SLTM: variants seen among roughly 807,000 people sequenced by gnomAD.
SLTM encodes SAFB-like transcription modulator.
Under a neutral mutation model 134.6 loss-of-function variants are expected in SLTM, and 43 were observed. That is an observed-to-expected ratio of 0.32 (90% CI 0.25 to 0.41). The LOEUF is 0.41. Ranked by LOEUF, SLTM falls within the 10% of genes least tolerant of loss-of-function variation. The pLI is 1.00. For missense variants in SLTM, 1,055 were observed against 1,288.8 expected (o/e 0.82, Z 2.78); for synonymous variants, 424 against 432.3 (o/e 0.98, Z 0.24).
intron 12 of SLTM, among the ~76,000 whole-genome samples, 171 bp downstream of exon 12, chr15:58,893,650 T>C (rs1048957242): frequency 5.3e-5 from 8 of 152,138 alleles, no homozygotes; most frequent in Admixed American, 1.3e-4. Flanking sequence ...CATTTGTTTG[T>C]TTCCCCAGAG....
At chr15:58,894,220 T>C (rs760644298) in intron 10 of SLTM, 27 bp from the exon 11 acceptor site, 109 of 1,540,898 alleles carry the variant, frequency 7.1e-5, no homozygotes, top group Non-Finnish European at 9.4e-5. Flanking sequence ...AGAAAAACAA[T>C]TTGTACATAT....
chr15:58,904,415 A>T (rs1208700097), intron 5 of SLTM, among the ~76,000 whole-genome samples: 2 of 152,248 alleles, frequency 1.3e-5, no homozygotes, highest in Non-Finnish European at 2.9e-5. Context: ...AAGTAACATG[A>T]AGGAAACTAA....
intron 5 of SLTM, among the ~76,000 whole-genome samples, chr15:58,904,649 G>T (rs143154943): frequency 6.6e-6 from 1 of 151,392 alleles, no homozygotes; most frequent in African/African-American, 2.4e-5. Flanking sequence ...CGGGTTCCAG[G>T]GATTCTCATG....
intron 5 of SLTM, among the ~76,000 whole-genome samples, chr15:58,907,985 C>T (rs1471623062): frequency 7.2e-6 from 1 of 139,332 alleles, no homozygotes; most frequent in Non-Finnish European, 1.6e-5. Context: ...TAGATATATC[C>T]CTATATAAAC....
chr15:58,895,235 GAA>G (rs1452829529), intron 9 of SLTM, among the ~76,000 whole-genome samples: 7 of 152,040 alleles, frequency 4.6e-5, no homozygotes, highest in Non-Finnish European at 1.0e-4. Context: ...TGTCTTTAGA[GAA>G]AGTTTCTAGT....
rs202161800 is a variant in SLTM, at chr15:58,886,141, A to G, written c.2835+834T>C. On this transcript the variant is annotated intron_variant, in intron 19 of 20. Transcript: ENST00000380516. ...ATTACACTCATCTACCTTTAGGATA[A>G]GAAGACAAAAAATAGACAAAAGTTC... is the stretch of plus-strand genomic sequence containing the variant. 1.6e-4 allele frequency among the ~76,000 whole-genome samples: 24 copies of G among 152,264 alleles called. No homozygotes were observed. In the East Asian group the frequency reaches 4.4e-3, roughly 28 times the overall value.
chr15:58,898,966 A>T (rs145540822), intron 7 of SLTM, 114 bp from the exon 8 acceptor site: 1 of 711,774 alleles, frequency 1.4e-6, no homozygotes, highest in East Asian at 2.8e-5. Flanking sequence ...CAAATTAACA[A>T]TTCCAAAGGC....
chr15:58,911,750 T>G (rs1297345207), intron 5 of SLTM, among the ~76,000 whole-genome samples: 1 of 152,210 alleles, frequency 6.6e-6, no homozygotes, highest in East Asian at 1.9e-4. Flanking sequence ...GTGTATCACA[T>G]ATAGCAGCAA....
At chr15:58,903,378 T>C (rs79533363) in intron 5 of SLTM, among the ~76,000 whole-genome samples, 3,386 of 152,238 alleles carry the variant, frequency 0.022, 121 homozygotes, top group African/African-American at 0.078. Flanking sequence ...GTACGCTGTT[T>C]AAAGTCAGGT....
intron 5 of SLTM, among the ~76,000 whole-genome samples, chr15:58,906,379 T>C (rs562751622): frequency 1.3e-5 from 2 of 152,334 alleles, no homozygotes; most frequent in South Asian, 2.1e-4. Context: ...AGTACTCATG[T>C]TGTTTATCTT....
chr15:58,888,736 A>C (rs1332782415), intron 16 of SLTM, 181 bp from the exon 17 acceptor site: 2 of 483,584 alleles, frequency 4.1e-6, no homozygotes, highest in African/African-American at 4.0e-5. Context: ...CATAAAGTCA[A>C]ATAGTGTGAG....
chr15:58,893,634 A>C (rs1460506068), intron 12 of SLTM, among the ~76,000 whole-genome samples, 187 bp downstream of exon 12: 1 of 152,196 alleles, frequency 6.6e-6, no homozygotes, highest in Non-Finnish European at 1.5e-5. Context: ...CTTAGCTGGA[A>C]GAATACATTT....
intron 2 of SLTM, 113 bp from the exon 3 acceptor site, chr15:58,917,112 C>A: frequency 1.1e-6 from 1 of 932,412 alleles, no homozygotes; most frequent in Non-Finnish European, 1.7e-6. Context: ...TCTGACAAAG[C>A]TAATGTCAAC....
chr15:58,921,232 C>A (rs2037022537), intron 2 of SLTM, among the ~76,000 whole-genome samples: 1 of 152,106 alleles, frequency 6.6e-6, no homozygotes, highest in Admixed American at 6.6e-5. Flanking sequence ...AACAATTATG[C>A]CCCTTTTACA....
At chr15:58,915,343 G>A (rs1234354895) in intron 3 of SLTM, among the ~76,000 whole-genome samples, 26 of 152,144 alleles carry the variant, frequency 1.7e-4, no homozygotes, top group Admixed American at 6.5e-5. Context: ...CTCAATAGAC[G>A]TATATATCTC....
At chr15:58,905,961 A>T (rs2035840871) in intron 5 of SLTM, among the ~76,000 whole-genome samples, 1 of 152,212 alleles carries the variant, frequency 6.6e-6, no homozygotes, top group Non-Finnish European at 1.5e-5. Context: ...CTTCTAGAAA[A>T]CAAAACTGAT....
intron 14 of SLTM, among the ~76,000 whole-genome samples, chr15:58,892,337 C>T (rs915670970): frequency 2.0e-4 from 31 of 152,294 alleles, no homozygotes; most frequent in African/African-American, 6.7e-4. Context: ...AAAGAGAATG[C>T]TTGCTTTGGG....
At chr15:58,897,032 AT>A in intron 9 of SLTM, 82 bp downstream of exon 9, 1 of 795,080 alleles carries the variant, frequency 1.3e-6, no homozygotes, top group Admixed American at 2.0e-5. Flanking sequence ...ATTAGAAGAT[AT>A]TCATGTAATA....
chr15:58,928,102 C>T (rs994742641), intron 2 of SLTM, among the ~76,000 whole-genome samples: 4 of 152,146 alleles, frequency 2.6e-5, no homozygotes, highest in Middle Eastern at 3.4e-3. Flanking sequence ...TTTAAAGCTG[C>T]CAGGTATTGC....
Sources: allele counts gnomAD v4.1 joint callset (sites outside exome capture counted in the v4.1 genomes callset), GRCh38; gene constraint gnomAD v4.1.1; transcripts MANE v1.5; gene names NCBI Gene and HGNC (gene_info 2026-07-23, HGNC 2026-07-21).